Variants in EYA4 observed in about 807,000 individuals in gnomAD.
The protein encoded by EYA4 is protein phosphatase EYA4.
Under a neutral mutation model 87.9 loss-of-function variants are expected in EYA4, and 31 were observed. The ratio of observed to expected loss-of-function variants is 0.35; its 90% CI spans 0.27 to 0.48. EYA4 has a LOEUF of 0.48. EYA4 is among the 20% of genes least tolerant of loss of function. The pLI is 0.99. For missense variants in EYA4, 678 were observed against 761.4 expected (o/e 0.89, Z 1.29); for synonymous variants, 263 against 270.6 (o/e 0.97, Z 0.28).
chr6:133,273,440 C>A (rs931094171), intron 1 of EYA4, among the ~76,000 whole-genome samples: 1 of 152,144 alleles, frequency 6.6e-6, no homozygotes, highest in Non-Finnish European at 1.5e-5. Context: ...ACAGACATAC[C>A]CAGGATCAAT....
intron 5 of EYA4, among the ~76,000 whole-genome samples, chr6:133,455,903 C>T (rs1332076460): frequency 6.6e-6 from 1 of 152,220 alleles, no homozygotes; most frequent in Non-Finnish European, 1.5e-5. Flanking sequence ...TACACCATTA[C>T]CACGTAGAAA....
chr6:133,243,500 C>T (rs1046858398), intron 1 of EYA4, among the ~76,000 whole-genome samples: 5 of 152,040 alleles, frequency 3.3e-5, no homozygotes, highest in Admixed American at 1.3e-4. Context: ...TCAGCAGCTT[C>T]TGAAGTTTCA....
At chr6:133,528,622 C>A in intron 19 of EYA4, 103 bp from the exon 20 acceptor site, 1 of 877,902 alleles carries the variant, frequency 1.1e-6, no homozygotes, top group Non-Finnish European at 2.0e-6. Flanking sequence ...GACCACACAT[C>A]CCTGTGTGTG....
intron 11 of EYA4, among the ~76,000 whole-genome samples, chr6:133,471,077 C>G (rs1335613026): frequency 2.4e-5 from 1 of 42,006 alleles, no homozygotes; most frequent in Non-Finnish European, 4.5e-5. Flanking sequence ...ATTGAATACC[C>G]TTTATTTCCT....
intron 17 of EYA4, among the ~76,000 whole-genome samples, chr6:133,518,271 G>A (rs1048377597): frequency 1.3e-5 from 2 of 151,734 alleles, no homozygotes; most frequent in African/African-American, 4.8e-5. Flanking sequence ...TAAACAGATG[G>A]CTTTAAGGCA....
At chr6:133,296,093 A>G (rs1220279547) in intron 2 of EYA4, among the ~76,000 whole-genome samples, 2 of 152,202 alleles carry the variant, frequency 1.3e-5, no homozygotes, top group Non-Finnish European at 2.9e-5. Flanking sequence ...TGAAGGAAGT[A>G]AAAGAGTGAG....
chr6:133,480,925 C>A (rs1796155976), intron 11 of EYA4, among the ~76,000 whole-genome samples: 1 of 138,388 alleles, frequency 7.2e-6, no homozygotes, highest in Admixed American at 7.6e-5. Context: ...TCTCAGTGAC[C>A]CCAAGAAATG....
At chr6:133,352,848 G>T (rs958015794) in intron 2 of EYA4, among the ~76,000 whole-genome samples, 1 of 152,056 alleles carries the variant, frequency 6.6e-6, no homozygotes, top group African/African-American at 2.4e-5. Flanking sequence ...AAAATCAGTC[G>T]CCTGTAGCAA....
chr6:133,301,752 T>C (rs1303927712), intron 2 of EYA4, among the ~76,000 whole-genome samples: 1 of 152,260 alleles, frequency 6.6e-6, no homozygotes, highest in Non-Finnish European at 1.5e-5. Context: ...TCTTATCTAC[T>C]GTGTCACACT....
intron 2 of EYA4, among the ~76,000 whole-genome samples, chr6:133,353,004 A>G (rs1170793803): frequency 6.6e-6 from 1 of 152,156 alleles, no homozygotes; most frequent in Non-Finnish European, 1.5e-5. Flanking sequence ...TAGTAAGTTC[A>G]TAGCTTATTA....
chr6:133,301,449 C>T (rs768181745), intron 2 of EYA4, among the ~76,000 whole-genome samples: 3 of 152,056 alleles, frequency 2.0e-5, no homozygotes, highest in Admixed American at 6.6e-5. Flanking sequence ...AGTGGATTCC[C>T]GGATGCCTTT....
intron 2 of EYA4, among the ~76,000 whole-genome samples, chr6:133,296,456 C>A (rs1778953411): frequency 6.6e-6 from 1 of 152,076 alleles, no homozygotes. Flanking sequence ...GTAGTTCAGG[C>A]ATGAGATGAT....
At chr6:133,250,453 C>T (rs1774801309) in intron 1 of EYA4, among the ~76,000 whole-genome samples, 2 of 151,960 alleles carry the variant, frequency 1.3e-5, no homozygotes, top group Non-Finnish European at 2.9e-5. Flanking sequence ...ACCAGCCTGA[C>T]CAAAATGGCA....
intron 2 of EYA4, among the ~76,000 whole-genome samples, chr6:133,354,542 G>A (rs538128126): frequency 5.9e-5 from 9 of 152,052 alleles, no homozygotes; most frequent in East Asian, 1.9e-4. Flanking sequence ...TTAATTTTTC[G>A]GATGAAGAAT....
chr6:133,404,388 C>T (rs1788525941), intron 3 of EYA4, among the ~76,000 whole-genome samples: 1 of 152,174 alleles, frequency 6.6e-6, no homozygotes, highest in African/African-American at 2.4e-5. Context: ...CTTTGTTTGT[C>T]TCTGTCACTG....
chr6:133,278,656 G>T (rs1029669742), intron 2 of EYA4, among the ~76,000 whole-genome samples: 1 of 152,124 alleles, frequency 6.6e-6, no homozygotes, highest in African/African-American at 2.4e-5. Context: ...TGCATAGAAG[G>T]TCTAACATGA....
At chr6:133,430,345 AC>A (rs2128583617) in intron 3 of EYA4, among the ~76,000 whole-genome samples, 1 of 152,366 alleles carries the variant, frequency 6.6e-6, no homozygotes, top group South Asian at 2.1e-4. Flanking sequence ...CAGAAAATAA[AC>A]TAATTTTACT....
chr6:133,311,327 GTTTA>G (rs998264810), intron 2 of EYA4, among the ~76,000 whole-genome samples: 29 of 151,830 alleles, frequency 1.9e-4, no homozygotes, highest in Non-Finnish European at 2.9e-4. Context: ...ATTTTTATTT[GTTTA>G]TTTATTTATT....
chr6:133,317,615 T>C lies in EYA4; in HGVS notation c.33+42802T>C, dbSNP rs117522125. Among the ~76,000 whole-genome samples, 1,414 of 152,284 alleles carry C rather than the reference T, an allele frequency of 9.3e-3. 8 individuals are homozygous for C. Among genetic ancestry groups the C allele is most frequent in the Middle Eastern group, 0.014 (4 of 294 alleles). The stretch of plus-strand genomic sequence containing the variant: ...AAGTGTAAAAATAATCATAAAATAA[T>C]ACATCTCAATGTTCTGGAGTAAAAT... On this transcript the variant is annotated intron_variant, in intron 2 of 19. Coordinates refer to ENST00000355286, the MANE Select transcript of EYA4 (RefSeq NM_004100.5).
Sources: allele counts gnomAD v4.1 joint callset (sites outside exome capture counted in the v4.1 genomes callset), GRCh38; gene constraint gnomAD v4.1.1; transcripts MANE v1.5; gene names NCBI Gene and HGNC (gene_info 2026-07-23, HGNC 2026-07-21).